Variants in SULF1 observed in about 807,000 individuals in gnomAD.
SULF1 encodes the protein extracellular sulfatase Sulf-1.
In SULF1, 46 loss-of-function variants were observed where a neutral mutation model predicts 110.5. The observed-to-expected ratio is 0.42, with a 90% CI of 0.33 to 0.53. SULF1 has a LOEUF of 0.53. SULF1 is among the 20% of genes least tolerant of loss of function. SULF1 has a pLI of 0.12. For synonymous variants in SULF1, 371 were observed against 387.1 expected, an observed-to-expected ratio of 0.96 and a Z score of 0.49; for missense variants, 941 against 1,094.2, an observed-to-expected ratio of 0.86 and a Z score of 1.98.
intron 8 of SULF1, among the ~76,000 whole-genome samples, chr8:69,598,567 T>C (rs1353425462): frequency 1.3e-5 from 2 of 152,160 alleles, no homozygotes; most frequent in African/African-American, 4.8e-5. Context: ...AATTTTTGTA[T>C]TTTTAGTAGA....
intron 1 of SULF1, among the ~76,000 whole-genome samples, chr8:69,480,987 T>A (rs1028621027): frequency 6.6e-6 from 1 of 151,798 alleles, no homozygotes; most frequent in Non-Finnish European, 1.5e-5. Flanking sequence ...TGTATACATA[T>A]GTAACAAACC....
At chr8:69,475,541 A>G (rs1809266063) in intron 1 of SULF1, among the ~76,000 whole-genome samples, 1 of 152,170 alleles carries the variant, frequency 6.6e-6, no homozygotes, top group Admixed American at 6.5e-5. Context: ...AGGACAAAAG[A>G]GAGAAAAATA....
Position 69,641,915 on chromosome 8 carries a change from G to A in SULF1, c.2585+1074G>A, listed in dbSNP as rs77200480. Among the ~76,000 whole-genome samples, 22 of 152,044 alleles carry A rather than the reference G, an allele frequency of 1.4e-4. No homozygotes were observed. The East Asian group carries it at 4.1e-3, about 28-fold the overall frequency. On this transcript the variant is annotated intron_variant, in intron 22 of 22. Coordinates refer to ENST00000402687, the MANE Select transcript of SULF1 (RefSeq NM_001128205.2). ...GGGGGGACGCACGCTCCTGATGGCC[G>A]TGTCACTTGGTCACCTGGCAATATT...
At position 69,604,823 on chromosome 8, in the gene SULF1, A is replaced by G. The variant is rs1369488175; in HGVS notation, c.1268A>G (p.Glu423Gly). 6.2e-7 allele frequency: 1 copy of G among 1,614,036 alleles called. No individual in the cohort carries two copies. Among genetic ancestry groups the G allele is most frequent in the Non-Finnish European group, 8.5e-7 (1 of 1,180,022 alleles). ...VERGKFLRKK[E>G]ESSKNIQQSN... Reference sequence around the variant, plus strand: ...CGAAGCAAATTTCTACGTAAGAAGGAAGAATCCAGCAAGAATATCCAACAG... The same window carrying G: ...CGAAGCAAATTTCTACGTAAGAAGGGAGAATCCAGCAAGAATATCCAACAG... Residue 423 changes from glutamate to glycine, a missense_variant, in exon 13 of 23, where the codon GAA becomes GGA. Physicochemically the swap from Glu to Gly is moderately conservative, Grantham distance 98. Transcript: ENST00000402687.
intron 3 of SULF1, among the ~76,000 whole-genome samples, chr8:69,521,629 A>G (rs1422962439): frequency 1.3e-5 from 2 of 152,136 alleles, no homozygotes; most frequent in Non-Finnish European, 1.5e-5. Flanking sequence ...GAATGAGCAA[A>G]TGGGAGAGTG....
chr8:69,547,117 C>T (rs1460411354), intron 3 of SULF1, among the ~76,000 whole-genome samples: 2 of 152,064 alleles, frequency 1.3e-5, no homozygotes, highest in South Asian at 4.1e-4. Context: ...TAGCTACCAG[C>T]CTTGGAGTCA....
rs147155670 is a variant in SULF1 at position 69,533,871 on chromosome 8, T to C, written c.-133-29668T>C. Among the ~76,000 whole-genome samples, 1,001 of 152,306 alleles carry C rather than the reference T, an allele frequency of 6.6e-3. 7 individuals carry two copies. The highest frequency in any genetic ancestry group is 0.023 in the African/African-American group (951 of 41,560). ...CCTCCGATCTGTCTTTATTGTAATA[T>C]TAAAATCAAAGACTTGTAGAGAATA... On this transcript the variant is annotated intron_variant, in intron 3 of 22. Transcript: ENST00000402687.
chr8:69,656,233 AGTTT>A (rs1413568133), intron 22 of SULF1, among the ~76,000 whole-genome samples: 1 of 152,126 alleles, frequency 6.6e-6, no homozygotes, highest in Non-Finnish European at 1.5e-5. Context: ...TGCACTTTAT[AGTTT>A]ATTTCGCCAG....
At chr8:69,533,771 C>T (rs543413767) in intron 3 of SULF1, among the ~76,000 whole-genome samples, 4 of 152,126 alleles carry the variant, frequency 2.6e-5, no homozygotes, top group Admixed American at 6.5e-5. Flanking sequence ...GTATATACCC[C>T]GTAATGGGAT....
At chr8:69,537,555 G>A (rs1813510469) in intron 3 of SULF1, among the ~76,000 whole-genome samples, 2 of 152,062 alleles carry the variant, frequency 1.3e-5, no homozygotes, top group Non-Finnish European at 2.9e-5. Context: ...GGCATCTTAG[G>A]GGTACCCCAA....
chr8:69,577,234 CTGAG>C (rs1248817130), intron 6 of SULF1, among the ~76,000 whole-genome samples: 1 of 152,212 alleles, frequency 6.6e-6, no homozygotes. Context: ...AGTGCCTTAT[CTGAG>C]TGTGTTTTCT....
intron 5 of SULF1, among the ~76,000 whole-genome samples, chr8:69,575,028 C>G (rs1805503697): frequency 6.6e-6 from 1 of 152,040 alleles, no homozygotes; most frequent in Admixed American, 6.6e-5. Flanking sequence ...GAAGTGGGAC[C>G]TGTTGGAAAT....
At chr8:69,599,397 C>T (rs1169651581) in intron 8 of SULF1, among the ~76,000 whole-genome samples, 1 of 151,934 alleles carries the variant, frequency 6.6e-6, no homozygotes, top group Non-Finnish European at 1.5e-5. Context: ...CCTCACTTCC[C>T]TTCTCATTCA....
In SULF1 at chr8:69,478,283, C is replaced by T. The variant is rs760938074; in HGVS notation, c.-391+11333C>T. Among the ~76,000 whole-genome samples the T allele has an allele frequency of 2.0e-5, 3 of 152,270 alleles. No homozygotes were observed. The East Asian group carries it at 5.8e-4, about 29-fold the overall frequency. ...TCTTTCTTATCTCCACTCATCTTAC[C>T]TACTGCCATTAAACTCATCTTATTT... On this transcript the variant is annotated intron_variant, in intron 1 of 22. Transcript: ENST00000260128.
In SULF1 at chr8:69,658,905, T is replaced by TA; in HGVS notation, c.*373dup. On this transcript the variant is annotated 3_prime_UTR_variant, in exon 23 of 23. Transcript: ENST00000402687. ...ACCGACCAACATTAAGTCCAGAGAG[T>TA]AAACTTGAATGGAATAACGACATTC... 2.1e-6 allele frequency: 1 copy of TA among 482,392 alleles called. No individual in the cohort carries two copies. The highest frequency in any genetic ancestry group is 1.5e-5 in the South Asian group (1 of 64,794). 29.9% of individuals were successfully genotyped at this position (482,392 alleles called of 1,614,324 possible).
chr8:69,491,845 C>T (rs547834035), upstream of SULF1, among the ~76,000 whole-genome samples: 1 of 152,086 alleles, frequency 6.6e-6, no homozygotes, highest in Admixed American at 6.5e-5. Flanking sequence ...AGACAGACAA[C>T]GCATGCGGAA....
chr8:69,651,622 T>A (rs149091148), intron 22 of SULF1, among the ~76,000 whole-genome samples: 10 of 152,336 alleles, frequency 6.6e-5, no homozygotes, highest in African/African-American at 2.4e-4. Flanking sequence ...GATGCTCAGA[T>A]AATTATTCTC....
chr8:69,563,041 G>C (rs1815616439), intron 3 of SULF1: 1 of 152,204 alleles, frequency 6.6e-6, no homozygotes, highest in Admixed American at 6.5e-5. Flanking sequence ...TGAAGTCTTT[G>C]TCAGCAGAAA....
At chr8:69,607,134 C>T (rs1808277513) in intron 13 of SULF1, among the ~76,000 whole-genome samples, 1 of 152,194 alleles carries the variant, frequency 6.6e-6, no homozygotes, top group South Asian at 2.1e-4. Context: ...TGCAGACCTT[C>T]TGAATCAGAA....
Sources: gnomAD v4.1 joint callset for allele counts (sites outside exome capture counted in the v4.1 genomes callset) on GRCh38, gnomAD v4.1.1 for gene constraint, MANE v1.5 for transcripts, NCBI Gene and HGNC (gene_info 2026-07-23, HGNC 2026-07-21) for gene names.